The following MIOS variants were observed in gnomAD, a reference collection of about 807,000 sequenced individuals.
The protein encoded by MIOS is meiosis regulator for oocyte development.
A neutral mutation model predicts 96.9 loss-of-function variants in MIOS; 52 were observed. The ratio of observed to expected loss-of-function variants is 0.54; its 90% confidence interval spans 0.43 to 0.68. The LOEUF is 0.68. Ranked by LOEUF, MIOS falls within the 30% of genes least tolerant of loss-of-function variation. The pLI is 0.00. For synonymous variants in MIOS, 397 were observed against 359.5 expected, an observed-to-expected ratio of 1.10 and a Z score of -1.18; for missense variants, 1,005 against 1,052.8, an observed-to-expected ratio of 0.95 and a Z score of 0.63.
At chr7:7,570,181 TC>T (rs1193694950) in intron 3 of MIOS, among the ~76,000 whole-genome samples, 1 of 152,134 alleles carries the variant, frequency 6.6e-6, no homozygotes, top group Non-Finnish European at 1.5e-5. Context: ...TTTACTGAAA[TC>T]AGTTTTCAGA....
Position 7,572,569 on chromosome 7 carries a change from T to C in MIOS, c.94T>C (p.Ser32Pro). ...AGAACTAAGTCTTTATCATGTGGAA[T>C]CTACTGTGAATTCAGAACTCAAAGC... ...DSELSLYHVE[S>P]TVNSELKAGS... Residue 32 changes from serine to proline, a missense_variant, in exon 4 of 13, where the codon TCT becomes CCT. By Grantham distance (74) the Ser-to-Pro change is moderately conservative. Coordinates refer to ENST00000340080, the MANE Select transcript of MIOS (RefSeq NM_019005.4). The surrounding 1 kb of genome is among the most constrained non-coding windows in gnomAD (Gnocchi z 4.8). 6.2e-7 allele frequency: 1 copy of C among 1,614,100 alleles called. No homozygotes were observed. Among genetic ancestry groups the C allele is most frequent in the South Asian group, 1.1e-5 (1 of 91,084 alleles).
intron 11 of MIOS, among the ~76,000 whole-genome samples, chr7:7,598,889 T>C (rs1378045859): frequency 2.0e-5 from 3 of 152,124 alleles, no homozygotes; most frequent in Non-Finnish European, 4.4e-5. Flanking sequence ...TTAACATTTT[T>C]CCATATTTGT....
chr7:7,595,153 A>G, intron 10 of MIOS, 21 bp downstream of exon 10: 2 of 1,594,712 alleles, frequency 1.3e-6, no homozygotes, highest in African/African-American at 2.7e-5. Context: ...TGTTTTGGAG[A>G]AAATCAAATT....
In MIOS at chr7:7,573,700, G is replaced by T. The variant is rs1292072389; in HGVS notation, c.1225G>T (p.Val409Leu). 4 of 1,613,344 alleles carry T rather than the reference G, an allele frequency of 2.5e-6. No individual in the cohort carries two copies. The highest frequency in any genetic ancestry group is 1.7e-6 in the Non-Finnish European group (2 of 1,179,590). ...LSRYGLDTEQ[V>L]WRNHILAGNE... is the part of the protein sequence containing the mutation. ...AAGGTATGGACTTGATACAGAGCAG[G>T]TGTGGAGGAACCACATTTTAGCTGG... Residue 409 changes from valine to leucine, a missense_variant, in exon 4 of 13, where the codon GTG (valine) becomes TTG (leucine). Physicochemically the swap from Val to Leu is conservative, Grantham distance 32. Transcript: ENST00000340080. The surrounding 1 kb of genome is among the most constrained non-coding windows in gnomAD (Gnocchi z 5.0).
At position 7,573,922 on chromosome 7, in the gene MIOS, C is replaced by T. The variant is rs181629601; in HGVS notation, c.1294+153C>T. On this transcript the variant is annotated intron_variant, in intron 4 of 12. Transcript: ENST00000340080. This position sits in a 1 kb window ranked among gnomAD's most constrained non-coding sequence, Gnocchi z 5.0. ...ATAAAGTAAAATTGTTCTAAACTTT[C>T]GAACTTGAAATACTGCTTTGTAGAT... is the stretch of plus-strand genomic sequence containing the variant. Among the ~76,000 whole-genome samples, 451 of 152,234 alleles carry T rather than the reference C, an allele frequency of 3.0e-3. 2 individuals carry two copies. Among genetic ancestry groups the T allele is most frequent in the African/African-American group, 0.01 (429 of 41,544 alleles).
intron 6 of MIOS, 117 bp downstream of exon 6, chr7:7,583,489 T>A (rs866190412): frequency 2.5e-5 from 29 of 1,170,718 alleles, no homozygotes; most frequent in Middle Eastern, 5.4e-4. Context: ...AATTTTAATT[T>A]AATTTTTGTT....
intron 5 of MIOS, among the ~76,000 whole-genome samples, chr7:7,575,974 G>A (rs1266966406): frequency 1.3e-5 from 2 of 151,610 alleles, no homozygotes; most frequent in African/African-American, 2.4e-5. Flanking sequence ...TTAGATTTCA[G>A]TCTTCTGTTT....
rs768508730 is a variant in MIOS, at chr7:7,573,096, C to T, written c.621C>T (p.Asn207=). The T allele has an allele frequency of 3.1e-6, 5 of 1,613,918 alleles. No homozygotes were observed. Among genetic ancestry groups the T allele is most frequent in the African/African-American group, 1.3e-5 (1 of 74,890 alleles). Residue 207 remains asparagine, a synonymous_variant, in exon 4 of 13, where the codon AAC becomes AAT. Transcript: ENST00000340080. This position sits in a 1 kb window ranked among gnomAD's most constrained non-coding sequence, Gnocchi z 5.0. ...TTCTCCTTGCTGGTATGCATCGTAA[C>T]CTAGCTATATTTGATCTTCGGAATA... ...QKLLLAGMHR[N]LAIFDLRNTS...
intron 11 of MIOS, among the ~76,000 whole-genome samples, chr7:7,603,549 A>G (rs1447967008): frequency 6.6e-6 from 1 of 152,238 alleles, no homozygotes; most frequent in Admixed American, 6.5e-5. Context: ...GATCATTAAA[A>G]AGTCAGGAAA....
In MIOS at chr7:7,602,923, A is replaced by G. The variant is rs188304422; in HGVS notation, c.2402-3019A>G. ...CCCTCAGAAATAATGCCACCTATCT[A>G]CAACCATCTGATCTTTGACAAACCT... On this transcript the variant is annotated intron_variant, in intron 11 of 12. Coordinates refer to ENST00000340080, the MANE Select transcript of MIOS (RefSeq NM_019005.4). Among the ~76,000 whole-genome samples, 378 of 152,328 alleles carry G rather than the reference A, an allele frequency of 2.5e-3. 1 individual carries two copies. Among genetic ancestry groups the G allele is most frequent in the African/African-American group, 8.8e-3 (365 of 41,564 alleles).
Position 7,566,918 on chromosome 7 carries a change from C to CAGGCGTGGTGGTGG in MIOS, c.-374_-361dup, listed in dbSNP as rs1210436959. The CAGGCGTGGTGGTGG allele has an allele frequency of 6.6e-6, 1 of 152,152 alleles. No individual in the cohort carries two copies. The highest frequency in any genetic ancestry group is 1.5e-5 in the Non-Finnish European group (1 of 68,020). The allele number at this position is 152,152 out of a possible 1,614,324, so 9.4% of individuals were successfully genotyped here. ...GGCCGAGGCGCCGCTGCGCGTCCTCCAGGCGTGGTGGTGGGGTCGTGGGTC... is the reference window on the plus strand; with the variant it reads ...GGCCGAGGCGCCGCTGCGCGTCCTCCAGGCGTGGTGGTGGAGGCGTGGTGGTGGGGTCGTGGGTC... On this transcript the variant is annotated 5_prime_UTR_variant, in exon 1 of 13. Coordinates refer to ENST00000340080, the MANE Select transcript of MIOS (RefSeq NM_019005.4).
At chr7:7,590,104 A>C (rs940619488) in intron 9 of MIOS, among the ~76,000 whole-genome samples, 1 of 152,202 alleles carries the variant, frequency 6.6e-6, no homozygotes, top group Admixed American at 6.5e-5. Flanking sequence ...TAAAATTTAG[A>C]GTATTCTCCT....
Position 7,596,312 on chromosome 7 carries a change from T to C in MIOS, c.2252T>C (p.Val751Ala), listed in dbSNP as rs200569928. ...TCAATCTCCTACAGCTGTTCAGCTG[T>C]GCCTCATCAGGGCAGAGGTTTTAGT... ...GKSISYSCSA[V>A]PHQGRGFSQY... Residue 751 changes from valine (V) to alanine (A), a missense_variant, in exon 11 of 13, where the codon GTG (valine) becomes GCG (alanine). Around this residue, in one of 3 missense-constraint regions of MIOS, gnomAD observed 865 missense variants for 887.9 expected, o/e 0.97. Coordinates refer to ENST00000340080, the MANE Select transcript of MIOS (RefSeq NM_019005.4). 4.5e-5 allele frequency: 72 copies of C among 1,614,044 alleles called. No homozygotes were observed. The highest frequency in any genetic ancestry group is 1.8e-4 in the Admixed American group (11 of 60,000).
chr7:7,584,372 C>T (rs574915465), intron 6 of MIOS, among the ~76,000 whole-genome samples: 1 of 152,074 alleles, frequency 6.6e-6, no homozygotes, highest in Non-Finnish European at 1.5e-5. Context: ...ACTTTCCTAT[C>T]TTGTGTACCT....
At position 7,573,929 on chromosome 7, in the gene MIOS, GA is replaced by G. The variant is rs1441917635; in HGVS notation, c.1294+163del. Among the ~76,000 whole-genome samples the G allele has an allele frequency of 1.3e-5, 2 of 152,180 alleles. No homozygotes were observed. The highest frequency in any genetic ancestry group is 2.4e-5 in the African/African-American group (1 of 41,450). On this transcript the variant is annotated intron_variant, in intron 4 of 12. Transcript: ENST00000340080. This position sits in a 1 kb window ranked among gnomAD's most constrained non-coding sequence, Gnocchi z 5.0. Reference sequence around the variant, plus strand: ...AAAATTGTTCTAAACTTTCGAACTTGAAATACTGCTTTGTAGATTGTGTAGG... The same window carrying G: ...AAAATTGTTCTAAACTTTCGAACTTGAATACTGCTTTGTAGATTGTGTAGG...
At chr7:7,601,754 G>T (rs1358227322) in intron 11 of MIOS, among the ~76,000 whole-genome samples, 1 of 151,014 alleles carries the variant, frequency 6.6e-6, no homozygotes, top group Non-Finnish European at 1.5e-5. Flanking sequence ...CCAAAGACTG[G>T]CAGAGACACA....
At chr7:7,595,520 T>G (rs1301314641) in intron 10 of MIOS, among the ~76,000 whole-genome samples, 3 of 152,244 alleles carry the variant, frequency 2.0e-5, no homozygotes, top group African/African-American at 7.2e-5. Flanking sequence ...TATGTTTAAT[T>G]ACACATGGAA....
chr7:7,569,166 A>C lies in MIOS; in HGVS notation c.-41+1043A>C, dbSNP rs186766957. ...ATTAAGAGATTTCCTTTGTGGGGGT[A>C]TGAGTATGAACCCTTATTTGGCAGT... On this transcript the variant is annotated intron_variant, in intron 3 of 12. Coordinates refer to ENST00000340080, the MANE Select transcript of MIOS (RefSeq NM_019005.4). Among the ~76,000 whole-genome samples, 45 of 152,350 alleles carry C rather than the reference A, an allele frequency of 3.0e-4. 1 individual carries two copies. The highest frequency in any genetic ancestry group is 1.0e-4 in the Non-Finnish European group (7 of 68,036).
chr7:7,581,385 T>G (rs1382660654), intron 5 of MIOS, among the ~76,000 whole-genome samples: 3 of 152,228 alleles, frequency 2.0e-5, no homozygotes, highest in East Asian at 3.9e-4. Flanking sequence ...TTGCTTGTGT[T>G]TGTTTATGCC....
Sources: gnomAD v4.1 joint callset for allele counts (sites outside exome capture counted in the v4.1 genomes callset) on GRCh38, gnomAD v4.1.1 for gene constraint, gnomAD v4.1.1 regional missense constraint, Gnocchi (gnomAD v3.1) non-coding constraint, MANE v1.5 for transcripts, NCBI Gene and HGNC (gene_info 2026-07-23, HGNC 2026-07-21) for gene names.